Variants in PPIP5K2 observed in about 807,000 individuals in gnomAD.
PPIP5K2 encodes the protein inositol hexakisphosphate and diphosphoinositol-pentakisphosphate kinase 2.
Under a neutral mutation model 154.6 loss-of-function variants are expected in PPIP5K2, and 105 were observed. The observed-to-expected ratio is 0.68, with a 90% CI of 0.58 to 0.80. The LOEUF (loss-of-function observed/expected upper bound fraction) is 0.80, where lower values mean the gene tolerates loss of function less well. Ranked by LOEUF, PPIP5K2 falls within the 30% of genes least tolerant of loss-of-function variation. PPIP5K2 has a pLI of 0.00. For missense variants in PPIP5K2, 992 were observed against 1,504.6 expected, an observed-to-expected ratio of 0.66 and a Z score of 5.64; for synonymous variants, 480 against 490.3, an observed-to-expected ratio of 0.98 and a Z score of 0.28.
chr5:103,195,297 CT>C (rs1159316836), intron 30 of PPIP5K2, among the ~76,000 whole-genome samples: 3 of 151,974 alleles, frequency 2.0e-5, no homozygotes, highest in Non-Finnish European at 4.4e-5. Context: ...TTTTGCCTTT[CT>C]TTTGAGTTTA....
At chr5:103,149,979 G>A (rs760225669) in intron 8 of PPIP5K2, among the ~76,000 whole-genome samples, 20 of 152,006 alleles carry the variant, frequency 1.3e-4, no homozygotes, top group Non-Finnish European at 2.4e-4. Flanking sequence ...ACAGGTGTGA[G>A]CCACTGCACC....
chr5:103,161,991 C>G (rs1554216006), intron 17 of PPIP5K2, among the ~76,000 whole-genome samples: 1 of 151,872 alleles, frequency 6.6e-6, no homozygotes, highest in African/African-American at 2.4e-5. Flanking sequence ...GCTTTTGTTG[C>G]CACTGCCTTT....
chr5:103,161,610 C>T (rs1796255316), intron 17 of PPIP5K2, among the ~76,000 whole-genome samples: 1 of 152,172 alleles, frequency 6.6e-6, no homozygotes, highest in African/African-American at 2.4e-5. Flanking sequence ...TCCACATCCT[C>T]TCCAGCACCT....
chr5:103,127,577 G>T lies in PPIP5K2; in HGVS notation c.-284-1729G>T, dbSNP rs991350637. Among the ~76,000 whole-genome samples the T allele has an allele frequency of 3.3e-5, 5 of 152,200 alleles. No homozygotes were observed. In the South Asian group the frequency reaches 1.0e-3, roughly 31 times the overall value. On this transcript the variant is annotated intron_variant, in intron 1 of 30. Coordinates refer to ENST00000358359, the MANE Select transcript of PPIP5K2 (RefSeq NM_001276277.3). ...CTTTTAGATTTACATGTTAGAGTCA[G>T]TAGGGAGTTTGGTTTACAGGAGTGT...
chr5:103,140,203 T>C (rs1278596761), intron 5 of PPIP5K2, among the ~76,000 whole-genome samples: 1 of 150,504 alleles, frequency 6.6e-6, no homozygotes, highest in Non-Finnish European at 1.5e-5. Flanking sequence ...ATCCAAGAAT[T>C]AGTGCTCTTA....
chr5:103,193,725 T>C (rs1801630219), intron 29 of PPIP5K2, among the ~76,000 whole-genome samples: 2 of 152,266 alleles, frequency 1.3e-5, no homozygotes, highest in South Asian at 4.1e-4. Flanking sequence ...TGAATAATCA[T>C]TCATTGTAGG....
At chr5:103,123,288 T>C (rs1039937783) in intron 1 of PPIP5K2, among the ~76,000 whole-genome samples, 4 of 152,198 alleles carry the variant, frequency 2.6e-5, no homozygotes, top group Admixed American at 2.6e-4. Context: ...ATAACTTGAC[T>C]AAGGACACAG....
chr5:103,154,699 G>T lies in PPIP5K2; in HGVS notation c.1247G>T (p.Gly416Val). 6.4e-7 allele frequency: 1 copy of T among 1,571,616 alleles called. No homozygotes were observed. The highest frequency in any genetic ancestry group is 1.4e-5 in the African/African-American group (1 of 73,750). The change falls in exon 12 of 31, where the codon GGA becomes GTA. Residue 416 changes from glycine (G) to valine (V), a missense_variant. Physicochemically the swap from Gly to Val is moderately radical, Grantham distance 109. Around this residue, in one of 9 missense-constraint regions of PPIP5K2, gnomAD observed 163 missense variants for 285.2 expected, o/e 0.57. Coordinates refer to ENST00000358359, the MANE Select transcript of PPIP5K2 (RefSeq NM_001276277.3). Reference protein sequence around the residue: ...KFFDLFEKCDGYKSGKLKLKK... With the variant: ...KFFDLFEKCDVYKSGKLKLKK... ...TTTGATCTTTTTGAAAAGTGTGATG[G>T]ATATAAATCAGGGAAATTAAAACTC...
intron 3 of PPIP5K2, among the ~76,000 whole-genome samples, chr5:103,134,674 C>T (rs1342854359): frequency 1.3e-5 from 2 of 152,120 alleles, no homozygotes; most frequent in Admixed American, 6.6e-5. Context: ...CCTGTAAAAA[C>T]TGGGTGTTAT....
chr5:103,149,357 C>A, intron 8 of PPIP5K2, 44 bp downstream of exon 8: 1 of 1,526,336 alleles, frequency 6.6e-7, no homozygotes, highest in South Asian at 1.3e-5. Flanking sequence ...AAGGTAAATT[C>A]TAATTTTCTT....
chr5:103,162,350 C>CTTTTTTTTTTT (rs200973581), intron 17 of PPIP5K2, among the ~76,000 whole-genome samples: 3 of 138,554 alleles, frequency 2.2e-5, no homozygotes. Context: ...GATGTGTTTT[C>CTTTTTTTTTTT]TTTTTTTTTT....
At chr5:103,146,178 A>G (rs969936718) in intron 5 of PPIP5K2, among the ~76,000 whole-genome samples, 5 of 152,070 alleles carry the variant, frequency 3.3e-5, no homozygotes, top group Admixed American at 1.3e-4. Flanking sequence ...ATGTTTTACG[A>G]TATCTGTGAT....
At chr5:103,138,962 T>A (rs1252968101) in intron 5 of PPIP5K2, among the ~76,000 whole-genome samples, 1 of 152,234 alleles carries the variant, frequency 6.6e-6, no homozygotes, top group African/African-American at 2.4e-5. Context: ...CATATACTGA[T>A]AGCCAACTTT....
chr5:103,139,803 T>C (rs575837564), intron 5 of PPIP5K2, among the ~76,000 whole-genome samples: 1 of 152,238 alleles, frequency 6.6e-6, no homozygotes, highest in African/African-American at 2.4e-5. Flanking sequence ...GGAATCAGAA[T>C]TGTATCATGA....
At position 103,204,059 on chromosome 5, in the gene PPIP5K2, A is replaced by T. The variant is rs1187324972; in HGVS notation, c.*2425A>T. 6.6e-6 allele frequency: 1 copy of T among 152,218 alleles called. No individual in the cohort carries two copies. Among genetic ancestry groups the T allele is most frequent in the Non-Finnish European group, 1.5e-5 (1 of 68,040 alleles). 9.4% of individuals were successfully genotyped at this position (152,218 alleles called of 1,614,324 possible). On this transcript the variant is annotated 3_prime_UTR_variant, in exon 31 of 31. Transcript: ENST00000358359. ...GAAAAGTTAAAGTTCTTCAAGAAAT[A>T]TCCAATTAAAACTCACTAGCCAAGG...
intron 17 of PPIP5K2, among the ~76,000 whole-genome samples, chr5:103,162,523 C>T (rs1332649491): frequency 6.6e-6 from 1 of 151,828 alleles, no homozygotes; most frequent in Admixed American, 6.6e-5. Flanking sequence ...CCACCATGCT[C>T]AGCTAACTTT....
At position 103,203,539 on chromosome 5, in the gene PPIP5K2, T is replaced by C. The variant is rs2149874085; in HGVS notation, c.*1905T>C. 6.6e-6 allele frequency: 1 copy of C among 152,318 alleles called. No individual in the cohort carries two copies. Among genetic ancestry groups the C allele is most frequent in the Admixed American group, 6.5e-5 (1 of 15,286 alleles). The allele number at this position is 152,318 out of a possible 1,614,324, so 9.4% of individuals were successfully genotyped here. A position where few individuals can be genotyped will look rare whatever the true frequency, so the allele number is the denominator to read the frequency against. ...GTATCAGAGCAAAATGTTATAGTTA[T>C]CACTGTTTAGTGGCAGTTTGACTGA... On this transcript the variant is annotated 3_prime_UTR_variant, in exon 31 of 31. Transcript: ENST00000358359.
intron 17 of PPIP5K2, among the ~76,000 whole-genome samples, chr5:103,164,778 T>C (rs559303022): frequency 5.8e-4 from 89 of 152,254 alleles, no homozygotes; most frequent in African/African-American, 2.0e-3. Flanking sequence ...GCACTTGACA[T>C]TTTTTATATT....
intron 21 of PPIP5K2, among the ~76,000 whole-genome samples, chr5:103,175,151 T>C (rs568808182): frequency 6.6e-6 from 1 of 152,276 alleles, no homozygotes; most frequent in Non-Finnish European, 1.5e-5. Context: ...CTTAATGTAC[T>C]TTTAAAAGAA....
Sources: gnomAD v4.1 joint callset for allele counts (sites outside exome capture counted in the v4.1 genomes callset) on GRCh38, gnomAD v4.1.1 for gene constraint, gnomAD v4.1.1 regional missense constraint, MANE v1.5 for transcripts, NCBI Gene and HGNC (gene_info 2026-07-23, HGNC 2026-07-21) for gene names.